Variants in ATP8B3 observed in about 807,000 individuals in gnomAD.
ATP8B3 encodes ATPase phospholipid transporting 8B3, also known as phospholipid-transporting ATPase IK.
Under a neutral mutation model 140.9 loss-of-function variants are expected in ATP8B3, and 141 were observed. The observed-to-expected ratio is 1.00, with a 90% CI of 0.87 to 1.15. The LOEUF (loss-of-function observed/expected upper bound fraction) is 1.15, where lower values mean the gene tolerates loss of function less well. ATP8B3 is among the 50% of genes most tolerant of loss of function. The pLI is 0.00. For missense variants in ATP8B3, 1,874 were observed against 1,740.6 expected (o/e 1.08, Z -1.36); for synonymous variants, 765 against 714.6 (o/e 1.07, Z -1.13).
At chr19:1,811,272 A>G (rs989367048) in intron 2 of ATP8B3, among the ~76,000 whole-genome samples, 1 of 152,158 alleles carries the variant, frequency 6.6e-6, no homozygotes, top group African/African-American at 2.4e-5. Context: ...GCAGACGGAC[A>G]TCGTCAGAAG....
At chr19:1,799,406 C>T (rs1040088519) in intron 14 of ATP8B3, 2 of 159,662 alleles carry the variant, frequency 1.3e-5, no homozygotes, top group African/African-American at 2.5e-5. Flanking sequence ...TTTCAGTGAG[C>T]AGAGATCGCA....
Position 1,789,129 on chromosome 19 carries a change from C to T in ATP8B3, c.2846-9G>A, listed in dbSNP as rs375144263. ...CACGCCCACGTCCGCGGCTGCAGGG[C>T]ACAAGCAGCTGGTCAGCCCCCCGCA... On this transcript the variant is annotated splice_polypyrimidine_tract_variant and intron_variant, in intron 23 of 28. Coordinates refer to ENST00000310127, the MANE Select transcript of ATP8B3 (RefSeq NM_138813.4). The T allele has an allele frequency of 2.3e-4, 354 of 1,564,582 alleles. 1 individual carries two copies. In the Middle Eastern group the frequency reaches 3.8e-3, roughly 17 times the overall value.
At chr19:1,803,333 G>A (rs1192092218) in intron 10 of ATP8B3, among the ~76,000 whole-genome samples, 1 of 152,226 alleles carries the variant, frequency 6.6e-6, no homozygotes, top group Non-Finnish European at 1.5e-5. Flanking sequence ...TCGCGTCTTA[G>A]GGATGGGGAC....
intron 25 of ATP8B3, among the ~76,000 whole-genome samples, chr19:1,786,400 T>C (rs1161594774): frequency 6.6e-6 from 1 of 151,666 alleles, no homozygotes. Context: ...ATCCTGTCTC[T>C]ACTAAAAATA....
chr19:1,809,800 C>A (rs779580510), intron 3 of ATP8B3, 66 bp from the exon 4 acceptor site: 16 of 1,441,382 alleles, frequency 1.1e-5, no homozygotes, highest in Non-Finnish European at 1.5e-5. Context: ...AATGACCGCC[C>A]GGAGGAGGGC....
At chr19:1,784,708 T>C in intron 28 of ATP8B3, 111 bp downstream of exon 28, 1 of 1,380,890 alleles carries the variant, frequency 7.2e-7, no homozygotes, top group Non-Finnish European at 9.6e-7. Flanking sequence ...CCTAGTGTCT[T>C]GGAGGGCCGA....
At position 1,787,158 on chromosome 19, in the gene ATP8B3, A is replaced by T. The variant is rs200106210; in HGVS notation, c.3098T>A (p.Leu1033His). ...CAGGGTGCTGTACAGGAGGTTGAAA[A>T]GAGCCAGGAACCATCCTTCATACAG... Reference protein sequence around the residue: ...QPLYEGWFLALFNLLYSTLPV... With the variant: ...QPLYEGWFLAHFNLLYSTLPV... The change falls in exon 25 of 29, where the codon CTT (leucine) becomes CAT (histidine). Residue 1033 changes from leucine to histidine, a missense_variant. Leu to His is a moderately conservative substitution (Grantham distance 99). This residue lies in a region of ATP8B3 where 840 missense variants were observed against 760.9 expected (regional missense o/e 1.10). Coordinates refer to ENST00000310127, the MANE Select transcript of ATP8B3 (RefSeq NM_138813.4). The T allele has an allele frequency of 1.5e-3, 2,348 of 1,611,176 alleles. 25 individuals carry two copies. Among genetic ancestry groups the T allele is most frequent in the Middle Eastern group, 0.011 (68 of 6,056 alleles).
Position 1,783,206 on chromosome 19 carries a change from T to C in ATP8B3, c.3725A>G (p.His1242Arg), listed in dbSNP as rs1191520145. The change falls in exon 29 of 29, where the codon CAC becomes CGC. Residue 1242 changes from histidine to arginine, a missense_variant. Physicochemically the swap from His to Arg is conservative, Grantham distance 29. This residue lies in a region of ATP8B3 where 840 missense variants were observed against 760.9 expected (regional missense o/e 1.10). Coordinates refer to ENST00000310127, the MANE Select transcript of ATP8B3 (RefSeq NM_138813.4). ...IFTMEPLPHV[H>R]RESRARRSSY... ...GGAACGGCGGGCACGAGACTCCCGG[T>C]GTACATGAGGCAAGGGCTCCATGGT... is the stretch of plus-strand genomic sequence containing the variant. The C allele has an allele frequency of 1.2e-6, 2 of 1,611,710 alleles. No homozygotes were observed. Among genetic ancestry groups the C allele is most frequent in the African/African-American group, 1.3e-5 (1 of 74,646 alleles).
chr19:1,805,781 T>C lies in ATP8B3; in HGVS notation c.821+107A>G. On this transcript the variant is annotated intron_variant, in intron 9 of 28. Transcript: ENST00000310127. This position sits in a 1 kb window ranked among gnomAD's most constrained non-coding sequence, Gnocchi z 5.2. ...ACACTCATGGGGTGAGTGACCAAAGTCTCTGAGCGACCTTGGCTGGCCGCC... is the reference window on the plus strand; with the variant it reads ...ACACTCATGGGGTGAGTGACCAAAGCCTCTGAGCGACCTTGGCTGGCCGCC... 3 of 1,392,952 alleles carry C rather than the reference T, an allele frequency of 2.2e-6. No individual in the cohort carries two copies. Among genetic ancestry groups the C allele is most frequent in the Non-Finnish European group, 3.0e-6 (3 of 1,003,940 alleles). The allele number at this position is 1,392,952 out of a possible 1,614,324, so 86.3% of individuals were successfully genotyped here. A position where few individuals can be genotyped will look rare whatever the true frequency, so the allele number is the denominator to read the frequency against.
intron 16 of ATP8B3, 116 bp downstream of exon 16, chr19:1,796,595 G>GC (rs1731063532): frequency 2.2e-6 from 3 of 1,341,536 alleles, no homozygotes; most frequent in African/African-American, 1.5e-5. Context: ...CGGCCTCAGC[G>GC]CCCCCCAAGC....
At chr19:1,798,172 T>C (rs952861273) in intron 14 of ATP8B3, among the ~76,000 whole-genome samples, 3 of 151,968 alleles carry the variant, frequency 2.0e-5, no homozygotes, top group Admixed American at 6.6e-5. Flanking sequence ...GGTTTTGTCA[T>C]GTTGGCCAGG....
Position 1,805,821 on chromosome 19 carries a change from G to A in ATP8B3, c.821+67C>T, listed in dbSNP as rs1335252650. 1.3e-6 allele frequency: 2 copies of A among 1,590,482 alleles called. No individual in the cohort carries two copies. Among genetic ancestry groups the A allele is most frequent in the Non-Finnish European group, 1.7e-6 (2 of 1,162,132 alleles). On this transcript the variant is annotated intron_variant, in intron 9 of 28. Coordinates refer to ENST00000310127, the MANE Select transcript of ATP8B3 (RefSeq NM_138813.4). This position sits in a 1 kb window ranked among gnomAD's most constrained non-coding sequence, Gnocchi z 5.2. ...GGCTGGCCGCCTCCTTGGTGACTGG[G>A]GAAGGGGGCTCCTCCGGGCCATGCT...
At chr19:1,791,317 CCT>C (rs1021347550) in intron 20 of ATP8B3, among the ~76,000 whole-genome samples, 9 of 151,802 alleles carry the variant, frequency 5.9e-5, no homozygotes, top group African/African-American at 2.2e-4. Flanking sequence ...CATAAGCGAG[CCT>C]CCTGCCTCGT....
rs1288582832 is a variant in ATP8B3 at position 1,796,966 on chromosome 19, A to C, written c.1584+8T>G. Reference sequence around the variant, plus strand: ...CACCGTCCCGCGCTGCAAGCCAGGCAGGCTCACCTTAGGTCGGGTCGTGGC... The same window carrying C: ...CACCGTCCCGCGCTGCAAGCCAGGCCGGCTCACCTTAGGTCGGGTCGTGGC... On this transcript the variant is annotated splice_region_variant and intron_variant, in intron 15 of 28. Coordinates refer to ENST00000310127, the MANE Select transcript of ATP8B3 (RefSeq NM_138813.4). The C allele has an allele frequency of 6.2e-7, 1 of 1,612,756 alleles. No homozygotes were observed. The highest frequency in any genetic ancestry group is 1.7e-5 in the Admixed American group (1 of 59,992).
rs370558956 is a variant in ATP8B3 at position 1,796,048 on chromosome 19, G to A, written c.1942+29C>T. ...CCCCGTCTGCCCGCCCCACCTTGGG[G>A]GGCCCAGGGCTTGGGTGGCGGGGCT... On this transcript the variant is annotated intron_variant, in intron 17 of 28. Transcript: ENST00000310127. The A allele has an allele frequency of 1.5e-5, 24 of 1,611,668 alleles. No homozygotes were observed. The African/African-American group carries it at 2.3e-4, about 15-fold the overall frequency.
In ATP8B3 at chr19:1,796,971, C is replaced by A. The variant is rs1373377954; in HGVS notation, c.1584+3G>T. ...TCCCGCGCTGCAAGCCAGGCAGGCT[C>A]ACCTTAGGTCGGGTCGTGGCCTCTG... On this transcript the variant is annotated splice_donor_region_variant and intron_variant, in intron 15 of 28. Coordinates refer to ENST00000310127, the MANE Select transcript of ATP8B3 (RefSeq NM_138813.4). 1 of 1,613,030 alleles carries A rather than the reference C, an allele frequency of 6.2e-7. No homozygotes were observed. The highest frequency in any genetic ancestry group is 1.7e-5 in the Admixed American group (1 of 60,018).
chr19:1,788,902 C>G lies in ATP8B3; in HGVS notation c.3064G>C (p.Gly1022Arg), dbSNP rs568335052. The change falls in exon 24 of 29, where the codon GGC becomes CGC. Residue 1022 changes from glycine (G) to arginine (R), a missense_variant. Gly to Arg is a moderately radical substitution (Grantham distance 125, BLOSUM62 -2). Transcript: ENST00000310127. ...AGCCAGGGTGGGGGACGCACCTGGC[C>G]GGTGAAGCCGTTGTAGCAGGCAAAC... ...VWFACYNGFT[G>R]QPLYEGWFLA... 6.3e-7 allele frequency: 1 copy of G among 1,589,028 alleles called. No individual in the cohort carries two copies. Among genetic ancestry groups the G allele is most frequent in the East Asian group, 2.3e-5 (1 of 43,444 alleles).
chr19:1,808,467 T>G, intron 4 of ATP8B3, 132 bp from the exon 5 acceptor site: 1 of 632,658 alleles, frequency 1.6e-6, no homozygotes, highest in Admixed American at 2.2e-5. Context: ...CACCATTCAT[T>G]AAGCATCTAC....
rs777875591 is a variant in ATP8B3 at position 1,792,148 on chromosome 19, C to A, written c.2056-13G>T. 6.4e-6 allele frequency: 10 copies of A among 1,559,682 alleles called. No individual in the cohort carries two copies. In the South Asian group the frequency reaches 1.0e-4, roughly 16 times the overall value. On this transcript the variant is annotated splice_polypyrimidine_tract_variant and intron_variant, in intron 18 of 28. Transcript: ENST00000310127. Reference sequence around the variant, plus strand: ...CCTGGGCAAAGGCCTGGGGGCCGGGCAGGTGGAAGCTGTCACCATGCTGAA... The same window carrying A: ...CCTGGGCAAAGGCCTGGGGGCCGGGAAGGTGGAAGCTGTCACCATGCTGAA...
Sources: allele counts gnomAD v4.1 joint callset (sites outside exome capture counted in the v4.1 genomes callset), GRCh38; gene constraint gnomAD v4.1.1; regional missense constraint gnomAD v4.1.1; non-coding constraint Gnocchi (gnomAD v3.1); transcripts MANE v1.5; gene names NCBI Gene and HGNC (gene_info 2026-07-23, HGNC 2026-07-21).